Variants in PCDHA4 observed in about 807,000 individuals in gnomAD.
PCDHA4 encodes protocadherin alpha-4.
In PCDHA4, 49 loss-of-function variants were observed where a neutral mutation model predicts 61.4. The observed-to-expected ratio is 0.80, with a 90% CI of 0.63 to 1.01. PCDHA4 has a LOEUF of 1.01. Among genes scored for constraint, PCDHA4 ranks in the 50% least tolerant of loss-of-function variants. The pLI, the probability that PCDHA4 is intolerant of heterozygous loss-of-function variation, is 0.00. For synonymous variants in PCDHA4, 590 were observed against 550.3 expected (o/e 1.07, Z -1.01); for missense variants, 1,254 against 1,235.8 (o/e 1.01, Z -0.22).
chr5:140,875,261 G>T, intron 1 of PCDHA4: 1 of 1,130,462 alleles, frequency 8.8e-7, no homozygotes, highest in East Asian at 2.7e-5. Flanking sequence ...ACATGATGTC[G>T]CTCTACACTC....
intron 1 of PCDHA4, among the ~76,000 whole-genome samples, chr5:140,844,589 T>C (rs1779449903): frequency 1.3e-5 from 2 of 149,642 alleles, no homozygotes; most frequent in East Asian, 3.9e-4. Flanking sequence ...TAAAGTGATA[T>C]TTAATATATG....
intron 1 of PCDHA4, chr5:140,842,871 T>A (rs1554139485): frequency 4.4e-6 from 7 of 1,593,666 alleles, no homozygotes; most frequent in Middle Eastern, 2.1e-4. Context: ...AGCGGCAAGG[T>A]GTACGCGCTG....
intron 3 of PCDHA4, among the ~76,000 whole-genome samples, chr5:141,009,289 T>C (rs1474871800): frequency 1.4e-4 from 22 of 152,136 alleles, no homozygotes; most frequent in African/African-American, 5.1e-4. Context: ...ATCCCATTTC[T>C]ATAAAATTTT....
At chr5:140,871,934 C>T (rs2053394158) in intron 1 of PCDHA4, among the ~76,000 whole-genome samples, 1 of 152,222 alleles carries the variant, frequency 6.6e-6, no homozygotes, top group Non-Finnish European at 1.5e-5. Flanking sequence ...GTTAGATCAA[C>T]TGGCTTTGTT....
In PCDHA4 at chr5:140,809,237, G is replaced by A. The variant is rs1465518164; in HGVS notation, c.2050G>A (p.Val684Met). 14 of 1,614,100 alleles carry A rather than the reference G, an allele frequency of 8.7e-6. No individual in the cohort carries two copies. Among genetic ancestry groups the A allele is most frequent in the Non-Finnish European group, 1.2e-5 (14 of 1,179,972 alleles). The change falls in exon 1 of 4, where the codon GTG becomes ATG. Residue 684 changes from valine to methionine, a missense_variant. Transcript: ENST00000530339. The stretch of plus-strand genomic sequence containing the variant: ...GCCAAAGGCCTCCTCACGGGCGTTG[G>A]TGGGCGCTGTGGGTCCCGATGCTGC... ...QAPKASSRAL[V>M]GAVGPDAALV... is the part of the protein sequence containing the mutation.
intron 1 of PCDHA4, chr5:140,969,574 G>T (rs948199454): frequency 1.0e-6 from 1 of 983,446 alleles, no homozygotes; most frequent in Non-Finnish European, 1.5e-6. Context: ...TGTTTGAGAA[G>T]TGAGGATTAG....
rs1013599044 is a variant in PCDHA4, at chr5:140,900,058, C to T, written c.2386-78891C>T. ...TTCCTGGGCTCAAGTGATCCTTTAACCTCAGCCTCCAAAAGTGCTGCAGTT... is the reference window on the plus strand; with the variant it reads ...TTCCTGGGCTCAAGTGATCCTTTAATCTCAGCCTCCAAAAGTGCTGCAGTT... On this transcript the variant is annotated intron_variant, in intron 1 of 3. Coordinates refer to ENST00000530339, the MANE Select transcript of PCDHA4 (RefSeq NM_018907.4). Among the ~76,000 whole-genome samples the T allele has an allele frequency of 2.0e-5, 3 of 152,160 alleles. 1 individual carries two copies. Among genetic ancestry groups the T allele is most frequent in the Non-Finnish European group, 1.5e-5 (1 of 68,028 alleles).
rs782634199 is a variant in PCDHA4 at position 140,882,705 on chromosome 5, G to A, written c.2385+73133G>A. The A allele has an allele frequency of 3.7e-6, 6 of 1,614,172 alleles. No individual in the cohort carries two copies. The South Asian group carries it at 6.6e-5, about 18-fold the overall frequency. On this transcript the variant is annotated intron_variant, in intron 1 of 3. Transcript: ENST00000530339. ...AAACGAATAATCATTGCAGAATCTA[G>A]ACCTCCGGAAACTCGATTTCCACTA...
chr5:140,898,392 T>G (rs1464159946), intron 1 of PCDHA4, among the ~76,000 whole-genome samples: 3 of 152,224 alleles, frequency 2.0e-5, no homozygotes, highest in African/African-American at 7.2e-5. Flanking sequence ...GGATCCAGTT[T>G]CAGCTTTCTA....
chr5:140,863,553 A>C, intron 1 of PCDHA4: 2 of 378,210 alleles, frequency 5.3e-6, no homozygotes, highest in South Asian at 4.1e-5. Context: ...TTCAATAGGA[A>C]ATTTTTGAGA....
At chr5:140,967,731 G>T in intron 1 of PCDHA4, 1 of 1,614,164 alleles carries the variant, frequency 6.2e-7, no homozygotes, top group African/African-American at 1.3e-5. Context: ...GTAATTGGGG[G>T]GCTGGATTAT....
At chr5:140,926,333 C>A (rs1244364456) in intron 1 of PCDHA4, 3 of 152,288 alleles carry the variant, frequency 2.0e-5, no homozygotes, top group African/African-American at 7.2e-5. Flanking sequence ...GGTCAGAGCG[C>A]CGGGACCCGA....
intron 3 of PCDHA4, among the ~76,000 whole-genome samples, chr5:140,985,438 C>T (rs1438547429): frequency 2.0e-5 from 3 of 152,038 alleles, no homozygotes; most frequent in Non-Finnish European, 2.9e-5. Flanking sequence ...TTAGTTGCTG[C>T]CTGAAGAAAA....
At chr5:140,829,727 G>A (rs2150173512) in intron 1 of PCDHA4, 12 of 1,613,462 alleles carry the variant, frequency 7.4e-6, no homozygotes, top group East Asian at 4.5e-5. Flanking sequence ...GCCGCCTCTG[G>A]GCAGCAACGT....
At chr5:140,850,454 C>T (rs2150484793) in intron 1 of PCDHA4, 2 of 1,597,838 alleles carry the variant, frequency 1.3e-6, no homozygotes, top group Admixed American at 1.7e-5. Context: ...TGGTGAAAGA[C>T]CACGGGGAGC....
At chr5:140,951,941 C>T (rs576414648) in intron 1 of PCDHA4, among the ~76,000 whole-genome samples, 8 of 152,220 alleles carry the variant, frequency 5.3e-5, no homozygotes, top group African/African-American at 1.4e-4. Flanking sequence ...AGATACAGTG[C>T]GGGTACAGGC....
intron 1 of PCDHA4, chr5:140,877,641 C>A: frequency 6.2e-7 from 1 of 1,613,592 alleles, no homozygotes; most frequent in Non-Finnish European, 8.5e-7. Flanking sequence ...CGCTGCGTTG[C>A]TCAGCGCCGC....
intron 1 of PCDHA4, chr5:140,860,787 G>A (rs1038488180): frequency 5.9e-5 from 9 of 152,154 alleles, no homozygotes; most frequent in African/African-American, 2.2e-4. Flanking sequence ...GCCCAGGCTG[G>A]AGTGCAGTGG....
rs760426957 is a variant in PCDHA4, at chr5:141,009,783, G to A, written c.2690G>A (p.Arg897Gln). 2.5e-6 allele frequency: 4 copies of A among 1,613,880 alleles called. No individual in the cohort carries two copies. Among genetic ancestry groups the A allele is most frequent in the Admixed American group, 3.3e-5 (2 of 59,976 alleles). Reference protein sequence around the residue: ...IPGSPAIISIRQEPTNSQIDK... With the variant: ...IPGSPAIISIQQEPTNSQIDK... ...GGATCTCCTGCAATCATCTCCATCC[G>A]GCAGGAGCCTACTAACAGCCAAATT... is the stretch of plus-strand genomic sequence containing the variant. Residue 897 changes from arginine (R) to glutamine (Q), a missense_variant, in exon 4 of 4, where the codon CGG becomes CAG. Transcript: ENST00000530339.
Sources: allele counts gnomAD v4.1 joint callset (sites outside exome capture counted in the v4.1 genomes callset), GRCh38; gene constraint gnomAD v4.1.1; transcripts MANE v1.5; gene names NCBI Gene and HGNC (gene_info 2026-07-23, HGNC 2026-07-21).